The following GBE1 variants were observed in gnomAD, a reference collection of about 807,000 sequenced individuals.
The protein encoded by GBE1 is 1,4-alpha-glucan-branching enzyme.
A neutral mutation model predicts 88.8 loss-of-function variants in GBE1; 70 were observed. That is an observed-to-expected ratio of 0.79 (90% confidence interval 0.65 to 0.96). GBE1 has a LOEUF of 0.96. Among genes scored for constraint, GBE1 ranks in the 40% least tolerant of loss-of-function variants. The pLI, the probability that GBE1 is intolerant of heterozygous loss-of-function variation, is 0.00. For missense variants in GBE1, 872 were observed against 871.0 expected, an observed-to-expected ratio of 1.00 and a Z score of -0.01; for synonymous variants, 284 against 300.1, an observed-to-expected ratio of 0.95 and a Z score of 0.56.
At chr3:81,567,517 A>G (rs963337642) in intron 12 of GBE1, among the ~76,000 whole-genome samples, 26 of 152,218 alleles carry the variant, frequency 1.7e-4, no homozygotes, top group Non-Finnish European at 3.5e-4. Context: ...CATGAAGATA[A>G]TATACCTAAA....
intron 1 of GBE1, among the ~76,000 whole-genome samples, chr3:81,710,336 G>A (rs1705845098): frequency 7.0e-6 from 1 of 143,586 alleles, no homozygotes; most frequent in Non-Finnish European, 1.5e-5. Flanking sequence ...CCAGGTTCAC[G>A]CCATTCTCCT....
At chr3:81,602,677 A>G (rs1704049609) in intron 7 of GBE1, among the ~76,000 whole-genome samples, 1 of 152,170 alleles carries the variant, frequency 6.6e-6, no homozygotes, top group Non-Finnish European at 1.5e-5. Flanking sequence ...CAGAATTCCA[A>G]CATACAAGTT....
At chr3:81,602,454 G>C (rs1457124601) in intron 7 of GBE1, among the ~76,000 whole-genome samples, 7 of 152,244 alleles carry the variant, frequency 4.6e-5, no homozygotes, top group South Asian at 2.1e-4. Context: ...CATAGTTCTG[G>C]AGGATGGAAG....
intron 1 of GBE1, among the ~76,000 whole-genome samples, chr3:81,749,949 T>C (rs7634258): frequency 0.3 from 45,779 of 152,056 alleles, 7,066 homozygotes; most frequent in East Asian, 0.43. Context: ...TGTTTATATG[T>C]TGTATTTGTG....
intron 7 of GBE1, among the ~76,000 whole-genome samples, chr3:81,605,520 C>T (rs535336148): frequency 2.6e-5 from 4 of 152,158 alleles, no homozygotes; most frequent in South Asian, 2.1e-4. Flanking sequence ...GTCAATTTGA[C>T]CTGATTGTTT....
At chr3:81,553,168 G>T (rs1195487992) in intron 12 of GBE1, among the ~76,000 whole-genome samples, 2 of 152,174 alleles carry the variant, frequency 1.3e-5, no homozygotes, top group Non-Finnish European at 2.9e-5. Flanking sequence ...ATGTACGAAT[G>T]AAGTGTATTT....
chr3:81,744,374 G>C (rs1706394938), intron 1 of GBE1, among the ~76,000 whole-genome samples: 1 of 151,852 alleles, frequency 6.6e-6, no homozygotes, highest in African/African-American at 2.4e-5. Context: ...TTTTTAATGT[G>C]GCTACTAGAA....
intron 9 of GBE1, among the ~76,000 whole-genome samples, 168 bp from the exon 10 acceptor site, chr3:81,586,358 T>C (rs774983066): frequency 1.3e-5 from 2 of 152,198 alleles, no homozygotes; most frequent in Admixed American, 6.5e-5. Context: ...CCCAGAAAGA[T>C]TTTTGCTTAA....
At chr3:81,757,275 G>A (rs918266122) in intron 1 of GBE1, among the ~76,000 whole-genome samples, 15 of 152,106 alleles carry the variant, frequency 9.9e-5, no homozygotes, top group Admixed American at 1.3e-4. Flanking sequence ...AGGTCAACAG[G>A]GACCAGATAA....
chr3:81,623,702 G>A (rs1036137311), intron 7 of GBE1, among the ~76,000 whole-genome samples: 3 of 152,110 alleles, frequency 2.0e-5, no homozygotes, highest in African/African-American at 7.2e-5. Flanking sequence ...GGAGTACAGT[G>A]GCATGACCAT....
At chr3:81,683,572 C>T (rs569412606) in intron 2 of GBE1, among the ~76,000 whole-genome samples, 1 of 152,280 alleles carries the variant, frequency 6.6e-6, no homozygotes, top group African/African-American at 2.4e-5. Flanking sequence ...AATAGGTATC[C>T]TCTTCTCAAA....
At chr3:81,665,461 G>A (rs756612971) in intron 3 of GBE1, among the ~76,000 whole-genome samples, 2 of 151,818 alleles carry the variant, frequency 1.3e-5, no homozygotes, top group South Asian at 2.1e-4. Flanking sequence ...GCGTGAACCC[G>A]GGAGGCAGAG....
chr3:81,493,856 A>G (rs1476773998), intron 15 of GBE1, among the ~76,000 whole-genome samples: 2 of 151,672 alleles, frequency 1.3e-5, no homozygotes, highest in African/African-American at 4.8e-5. Context: ...AAAGGATGCC[A>G]TAACAAAGTT....
chr3:81,628,775 A>ATATATG (rs1220813754), intron 7 of GBE1, among the ~76,000 whole-genome samples: 1 of 131,546 alleles, frequency 7.6e-6, no homozygotes, highest in Non-Finnish European at 1.6e-5. Context: ...ATATATATAT[A>ATATATG]TATATATAGC....
chr3:81,606,070 T>C (rs1704098269), intron 7 of GBE1, among the ~76,000 whole-genome samples: 1 of 152,004 alleles, frequency 6.6e-6, no homozygotes, highest in African/African-American at 2.4e-5. Context: ...TAAAAACAAA[T>C]ATATTCTGGA....
chr3:81,525,928 CTTT>C (rs1197686073), intron 14 of GBE1, among the ~76,000 whole-genome samples: 1 of 151,838 alleles, frequency 6.6e-6, no homozygotes, highest in Non-Finnish European at 1.5e-5. Context: ...CTCTTTTCTT[CTTT>C]ATTAGTCTTC....
chr3:81,557,631 G>C (rs1160949696), intron 12 of GBE1, among the ~76,000 whole-genome samples: 8 of 152,038 alleles, frequency 5.3e-5, no homozygotes, highest in Admixed American at 3.3e-4. Context: ...AGAGATCTCA[G>C]GCAGCTTCAA....
intron 7 of GBE1, among the ~76,000 whole-genome samples, chr3:81,627,516 T>G (rs1374468782): frequency 6.6e-6 from 1 of 152,066 alleles, no homozygotes; most frequent in Admixed American, 6.6e-5. Context: ...AACAGCATTT[T>G]TAACACAGGG....
At chr3:81,715,897 A>G (rs1482057886) in intron 1 of GBE1, among the ~76,000 whole-genome samples, 1 of 152,218 alleles carries the variant, frequency 6.6e-6, no homozygotes, top group African/African-American at 2.4e-5. Context: ...AACTACTTTC[A>G]GCAAATCATT....
Sources: gnomAD v4.1 joint callset for allele counts (sites outside exome capture counted in the v4.1 genomes callset) on GRCh38, gnomAD v4.1.1 for gene constraint, MANE v1.5 for transcripts, NCBI Gene and HGNC (gene_info 2026-07-23, HGNC 2026-07-21) for gene names.